Variants in KCNN2 observed in about 807,000 individuals in gnomAD.
The protein encoded by KCNN2 is small conductance calcium-activated potassium channel protein 2.
KCNN2 carries 24 observed loss-of-function variants against 55.5 expected under a neutral mutation model. The ratio of observed to expected loss-of-function variants is 0.43; its 90% CI spans 0.31 to 0.61. The LOEUF is 0.61. Ranked by LOEUF, KCNN2 falls within the 20% of genes least tolerant of loss-of-function variation. The pLI is 0.08. For synonymous variants in KCNN2, 431 were observed against 336.1 expected (o/e 1.28, Z -3.09); for missense variants, 754 against 853.6 (o/e 0.88, Z 1.45).
In KCNN2 at chr5:114,362,897, G is replaced by A; in HGVS notation, c.758G>A (p.Gly253Glu). ...AQPLQPPASV[G>E]GGGGASSPSA... The stretch of plus-strand genomic sequence containing the variant: ...CCCCTGCAGCCCCCCGCGTCTGTCG[G>A]AGGAGGTGGCGGCGCGTCCTCCCCG... The change falls in exon 1 of 8, where the codon GGA becomes GAA. Residue 253 changes from glycine (G) to glutamate (E), a missense_variant. By Grantham distance (98) the Gly-to-Glu change is moderately conservative. Coordinates refer to ENST00000673685, the MANE Select transcript of KCNN2 (RefSeq NM_021614.4). 1.3e-6 allele frequency: 2 copies of A among 1,595,770 alleles called. No homozygotes were observed. The highest frequency in any genetic ancestry group is 2.2e-5 in the South Asian group (2 of 90,450).
Position 114,097,435 on chromosome 5 carries a change from G to A in KCNN2, c.-271+40935G>A, listed in dbSNP as rs190600311. The stretch of plus-strand genomic sequence containing the variant: ...GTAGTTGATGGTCACTAGTGTCATG[G>A]GTATATGTTTAGCATTCATTCCTAC... On this transcript the variant is annotated intron_variant, in intron 1 of 10. Coordinates refer to the KCNN2 transcript ENST00000512097. 1.6e-4 allele frequency among the ~76,000 whole-genome samples: 25 copies of A among 152,086 alleles called. 1 individual carries two copies. Among genetic ancestry groups the A allele is most frequent in the Admixed American group, 6.6e-4 (10 of 15,266 alleles).
intron 1 of KCNN2, among the ~76,000 whole-genome samples, chr5:114,070,918 C>T (rs182687305): frequency 1.1e-4 from 17 of 152,218 alleles, no homozygotes; most frequent in Admixed American, 5.2e-4. Context: ...TCCAGTCATT[C>T]ACTTACTTCT....
chr5:114,177,874 A>G (rs894695496), intron 1 of KCNN2, among the ~76,000 whole-genome samples: 2 of 152,188 alleles, frequency 1.3e-5, no homozygotes, highest in African/African-American at 4.8e-5. Flanking sequence ...TCAATTAGAC[A>G]TCGGATTAAA....
intron 2 of KCNN2, among the ~76,000 whole-genome samples, chr5:114,246,195 A>T (rs1026728410): frequency 6.6e-6 from 1 of 152,296 alleles, no homozygotes; most frequent in Non-Finnish European, 1.5e-5. Flanking sequence ...GTAGATATAA[A>T]TATATATGAT....
intron 1 of KCNN2, among the ~76,000 whole-genome samples, chr5:114,141,613 G>A (rs374434336): frequency 8.5e-5 from 13 of 152,126 alleles, no homozygotes; most frequent in African/African-American, 3.1e-4. Context: ...TTTCTTTATA[G>A]CAGCATGATT....
chr5:114,218,121 A>G (rs901214476), intron 1 of KCNN2, among the ~76,000 whole-genome samples: 3 of 152,252 alleles, frequency 2.0e-5, no homozygotes, highest in African/African-American at 4.8e-5. Context: ...ATGGAGCAAC[A>G]TTCATTGCTA....
chr5:114,109,106 C>G (rs962750452), intron 1 of KCNN2, among the ~76,000 whole-genome samples: 2 of 152,066 alleles, frequency 1.3e-5, no homozygotes, highest in Non-Finnish European at 2.9e-5. Context: ...AGCTTGGAGT[C>G]TCATCAGATG....
At chr5:114,098,262 C>A (rs1304058683) in intron 1 of KCNN2, among the ~76,000 whole-genome samples, 1 of 151,988 alleles carries the variant, frequency 6.6e-6, no homozygotes, top group Non-Finnish European at 1.5e-5. Context: ...TCCCTTTTAC[C>A]ATGTAAGGGA....
intron 2 of KCNN2, among the ~76,000 whole-genome samples, chr5:114,235,956 A>G (rs1212982891): frequency 6.6e-6 from 1 of 152,190 alleles, no homozygotes; most frequent in African/African-American, 2.4e-5. Context: ...GTGCTGTGCT[A>G]GTATTGAGGC....
At chr5:114,319,021 T>C (rs6895526) in intron 2 of KCNN2, among the ~76,000 whole-genome samples, 26,639 of 152,032 alleles carry the variant, frequency 0.18, 3,816 homozygotes, top group East Asian at 0.8. Context: ...CATTCTTCTT[T>C]CTTCTGTGCC....
chr5:114,108,940 CAA>C (rs1277633603), intron 1 of KCNN2, among the ~76,000 whole-genome samples: 1 of 151,988 alleles, frequency 6.6e-6, no homozygotes, highest in African/African-American at 2.4e-5. Context: ...AAAAATTTGC[CAA>C]AGAGTTTTCC....
chr5:114,377,547 A>T (rs570298933), intron 2 of KCNN2, among the ~76,000 whole-genome samples: 1 of 152,334 alleles, frequency 6.6e-6, no homozygotes, highest in South Asian at 2.1e-4. Flanking sequence ...ACTGTCCAGC[A>T]GGGTGTGGGT....
At chr5:114,250,704 T>G (rs1449384797) in intron 2 of KCNN2, among the ~76,000 whole-genome samples, 2 of 152,178 alleles carry the variant, frequency 1.3e-5, no homozygotes, top group African/African-American at 4.8e-5. Context: ...GTCTGTGAAA[T>G]GCACAAGCAA....
chr5:114,460,955 C>A (rs1016938989), intron 3 of KCNN2, among the ~76,000 whole-genome samples: 1 of 152,108 alleles, frequency 6.6e-6, no homozygotes, highest in South Asian at 2.1e-4. Context: ...ACCATTCTTA[C>A]GATAGGGTAA....
At chr5:114,131,098 C>T (rs983141502) in intron 1 of KCNN2, among the ~76,000 whole-genome samples, 1 of 152,024 alleles carries the variant, frequency 6.6e-6, no homozygotes, top group African/African-American at 2.4e-5. Context: ...TTTATTTTCT[C>T]TGAAAGCTCT....
chr5:114,060,335 C>A (rs1158699768), intron 1 of KCNN2, among the ~76,000 whole-genome samples: 1 of 152,246 alleles, frequency 6.6e-6, no homozygotes, highest in Admixed American at 6.5e-5. Context: ...CAGTTCACAT[C>A]TCTTTACTTA....
chr5:114,463,887 GTAGGGAGAGCATTCCA>G (rs1761321205), intron 4 of KCNN2, among the ~76,000 whole-genome samples: 1 of 152,200 alleles, frequency 6.6e-6, no homozygotes, highest in African/African-American at 2.4e-5. Context: ...AGGAAGGGAA[GTAGGGAGAGCATTCCA>G]GGAAGAGGAA....
chr5:114,374,317 T>A (rs1241599442), intron 2 of KCNN2, among the ~76,000 whole-genome samples: 2 of 152,198 alleles, frequency 1.3e-5, no homozygotes, highest in Non-Finnish European at 2.9e-5. Flanking sequence ...ATTAAACTCC[T>A]GCTGAAAGGA....
Position 114,217,348 on chromosome 5 carries a change from C to T in KCNN2, c.-270-4132C>T, listed in dbSNP as rs202073573. Among the ~76,000 whole-genome samples, 3 of 152,050 alleles carry T rather than the reference C, an allele frequency of 2.0e-5. No individual in the cohort carries two copies. The East Asian group carries it at 5.8e-4, about 29-fold the overall frequency. ...AGACTGACACCACCTAACTTCAAGA[C>T]TTTAAATCTACAGTAATCAAGATAA... On this transcript the variant is annotated intron_variant, in intron 1 of 10. Transcript: ENST00000512097.
Sources: gnomAD v4.1 joint callset for allele counts (sites outside exome capture counted in the v4.1 genomes callset) on GRCh38, gnomAD v4.1.1 for gene constraint, MANE v1.5 for transcripts, NCBI Gene and HGNC (gene_info 2026-07-23, HGNC 2026-07-21) for gene names.